Variants in PPIE observed in about 807,000 individuals in gnomAD.
PPIE encodes the protein peptidylprolyl isomerase E, also known as peptidyl-prolyl cis-trans isomerase E.
PPIE carries 20 observed loss-of-function variants against 38.4 expected under a neutral mutation model. The observed-to-expected ratio is 0.52, with a 90% CI of 0.37 to 0.76. The LOEUF is 0.76. Among genes scored for constraint, PPIE ranks in the 30% least tolerant of loss-of-function variants. The probability of loss-of-function intolerance (pLI) is 0.00; values close to 1 mark genes in which losing one functional copy is unlikely to be tolerated. For synonymous variants in PPIE, 142 were observed against 135.7 expected, an observed-to-expected ratio of 1.05 and a Z score of -0.32; for missense variants, 322 against 385.8, an observed-to-expected ratio of 0.83 and a Z score of 1.39.
chr1:39,749,570 C>T (rs1405391007), intron 8 of PPIE, among the ~76,000 whole-genome samples: 2 of 152,196 alleles, frequency 1.3e-5, no homozygotes, highest in Non-Finnish European at 2.9e-5. Context: ...TGCCCGTCTT[C>T]ACTTCTGAAG....
Position 39,753,281 on chromosome 1 carries a change from A to G in PPIE, c.838-6A>G. On this transcript the variant is annotated splice_region_variant and splice_polypyrimidine_tract_variant and intron_variant, in intron 9 of 9. Coordinates refer to ENST00000324379, the MANE Select transcript of PPIE (RefSeq NM_006112.4). ...CTTACTCCCTCACTTCTATTCTGCC[A>G]CAAAGGCCCAGGGCAGCAAGGACGG... The G allele has an allele frequency of 6.2e-7, 1 of 1,614,028 alleles. No homozygotes were observed. The highest frequency in any genetic ancestry group is 8.5e-7 in the Non-Finnish European group (1 of 1,179,920).
chr1:39,753,171 GGCT>G (rs1647926627), intron 9 of PPIE, 113 bp from the exon 10 acceptor site: 1 of 1,585,292 alleles, frequency 6.3e-7, no homozygotes, highest in East Asian at 2.3e-5. Context: ...CAGCGGGAGG[GGCT>G]GCTGCTGCCC....
At position 39,743,929 on chromosome 1, in the gene PPIE, G is replaced by T; in HGVS notation, c.384+5G>T. On this transcript the variant is annotated splice_donor_5th_base_variant and intron_variant, in intron 6 of 9. Transcript: ENST00000324379. ...CCCAAAGCAGAGACCCAGGAGGTGA[G>T]AATGAAGCTCCTGCTTCCAGAGCAC... The T allele has an allele frequency of 6.2e-7, 1 of 1,600,500 alleles. No individual in the cohort carries two copies. The highest frequency in any genetic ancestry group is 1.1e-5 in the South Asian group (1 of 90,780).
chr1:39,760,591 C>G (rs1258994592), downstream of PPIE: 1 of 1,610,726 alleles, frequency 6.2e-7, no homozygotes, highest in Non-Finnish European at 8.5e-7. Context: ...AGGGCACAGG[C>G]AGGGGCATGA....
In PPIE at chr1:39,755,934, C is replaced by T; in HGVS notation, c.*2579C>T. 1.0e-6 allele frequency: 1 copy of T among 985,394 alleles called. No homozygotes were observed. Among genetic ancestry groups the T allele is most frequent in the South Asian group, 4.7e-5 (1 of 21,288 alleles). The allele number at this position is 985,394 out of a possible 1,614,324, so 61.0% of individuals were successfully genotyped here. On this transcript the variant is annotated 3_prime_UTR_variant, in exon 10 of 10. Transcript: ENST00000324379. ...TGTCTCTCTTCAGTAGTAATGGAGT[C>T]CTGGGAGGTTTACTAGGCTTTAGCC...
intron 3 of PPIE, chr1:39,741,654 T>G: frequency 1.6e-6 from 1 of 624,538 alleles, no homozygotes. Context: ...GCACCCCTGT[T>G]CATTGAGCAT....
chr1:39,738,950 T>C lies in PPIE; in HGVS notation c.31+19T>C. The C allele has an allele frequency of 6.8e-7, 1 of 1,462,536 alleles. No individual in the cohort carries two copies. Among genetic ancestry groups the C allele is most frequent in the Non-Finnish European group, 9.1e-7 (1 of 1,104,210 alleles). The allele number at this position is 1,462,536 out of a possible 1,614,324, so 90.6% of individuals were successfully genotyped here. On this transcript the variant is annotated intron_variant, in intron 1 of 9. Transcript: ENST00000324379. Reference sequence around the variant, plus strand: ...TACGTGGGTGAGCAGGAGGGGTTGCTAGGCGGAGTCTGAGTGAACGCGACC... The same window carrying C: ...TACGTGGGTGAGCAGGAGGGGTTGCCAGGCGGAGTCTGAGTGAACGCGACC...
In PPIE at chr1:39,740,307, A is replaced by G. The variant is rs185353501; in HGVS notation, c.130+44A>G. On this transcript the variant is annotated intron_variant, in intron 2 of 9. Coordinates refer to ENST00000324379, the MANE Select transcript of PPIE (RefSeq NM_006112.4). ...CGTTCAGAATCCTCTTACTAGGAAA[A>G]TACCTTAAAAAATTAAAGTCACATC... The G allele has an allele frequency of 1.3e-5, 20 of 1,493,662 alleles. No individual in the cohort carries two copies. The African/African-American group carries it at 2.1e-4, about 16-fold the overall frequency. 92.5% of individuals were successfully genotyped at this position (1,493,662 alleles called of 1,614,324 possible).
Position 39,738,925 on chromosome 1 carries a change from T to G in PPIE, c.25T>G (p.Tyr9Asp). Residue 9 changes from tyrosine (Y) to aspartate (D), a missense_variant, in exon 1 of 10, where the codon TAC (tyrosine) becomes GAC (aspartate). Physicochemically the swap from Tyr to Asp is radical, Grantham distance 160. Transcript: ENST00000324379. ...GATGGCCACCACCAAGCGCGTCTTG[T>G]ACGTGGGTGAGCAGGAGGGGTTGCT... MATTKRVL[Y>D]VGGLAEEVDD... The G allele has an allele frequency of 6.7e-7, 1 of 1,494,584 alleles. No individual in the cohort carries two copies. Among genetic ancestry groups the G allele is most frequent in the Non-Finnish European group, 8.9e-7 (1 of 1,123,320 alleles). The allele number at this position is 1,494,584 out of a possible 1,614,324, so 92.6% of individuals were successfully genotyped here.
Position 39,744,445 on chromosome 1 carries a change from G to A in PPIE, c.384+521G>A, listed in dbSNP as rs78686555. On this transcript the variant is annotated intron_variant, in intron 6 of 9. Transcript: ENST00000324379. The stretch of plus-strand genomic sequence containing the variant: ...AGTCTCTGACAGTTGCTTCCTGGGC[G>A]TCCCCTCCTCTGAGTACTTTGTGAA... Among the ~76,000 whole-genome samples the A allele has an allele frequency of 7.2e-3, 1,089 of 152,284 alleles. 16 individuals are homozygous for A. The highest frequency in any genetic ancestry group is 0.025 in the African/African-American group (1,040 of 41,532).
chr1:39,754,703 G>GA lies in PPIE; in HGVS notation c.*1356dup, dbSNP rs1198037417. ...GTAGAGACCCCCATCTCTAGGGGGA[G>GA]AAAAAAAAGCCAGGTATGGTAGTGC... On this transcript the variant is annotated 3_prime_UTR_variant, in exon 10 of 10. Transcript: ENST00000324379. 6.6e-6 allele frequency among the ~76,000 whole-genome samples: 1 copy of GA among 151,778 alleles called. No individual in the cohort carries two copies. Among genetic ancestry groups the GA allele is most frequent in the Admixed American group, 6.6e-5 (1 of 15,254 alleles).
At chr1:39,763,189 G>A in intron 9 of PPIE, 2 of 1,613,078 alleles carry the variant, frequency 1.2e-6, no homozygotes, top group Non-Finnish European at 1.7e-6. Context: ...GCCTTGGGGA[G>A]CGATGACCCA....
At chr1:39,760,315 G>T, downstream of PPIE, 7 of 1,535,392 alleles carry the variant, frequency 4.6e-6, no homozygotes, top group Non-Finnish European at 6.1e-6. Flanking sequence ...GGTCCTCCCT[G>T]GCAATGCCCC....
At chr1:39,741,512 G>C (rs1647057108) in intron 3 of PPIE, 103 bp downstream of exon 3, 1 of 1,183,904 alleles carries the variant, frequency 8.4e-7, no homozygotes. Context: ...GCCTTAGGCT[G>C]ATGCTTCCAG....
chr1:39,753,386 C>G lies in PPIE; in HGVS notation c.*31C>G. 6.2e-7 allele frequency: 1 copy of G among 1,608,558 alleles called. No homozygotes were observed. Among genetic ancestry groups the G allele is most frequent in the Non-Finnish European group, 8.5e-7 (1 of 1,177,168 alleles). ...CACTCTCTCTGCTTCCCCCTCCGCT[C>G]TTGACCCTGCATATCCAGGAAGGAA... On this transcript the variant is annotated 3_prime_UTR_variant, in exon 10 of 10. Coordinates refer to ENST00000324379, the MANE Select transcript of PPIE (RefSeq NM_006112.4).
exon 10 of PPIE, chr1:39,763,755 C>T (rs377403339): frequency 2.1e-5 from 33 of 1,604,162 alleles, no homozygotes; most frequent in South Asian, 1.3e-4. Context: ...CTCGTGCCGA[C>T]GGCAGACCTG....
In PPIE at chr1:39,755,420, C is replaced by G. The variant is rs1648161564; in HGVS notation, c.*2065C>G. On this transcript the variant is annotated 3_prime_UTR_variant, in exon 10 of 10. Transcript: ENST00000324379. ...GCTGCTACAGTTGACTGAGTTCAGG[C>G]TCCATGTAGCTGGGATATACTACAT... 5 of 985,328 alleles carry G rather than the reference C, an allele frequency of 5.1e-6. No homozygotes were observed. The Admixed American group carries it at 3.1e-4, about 61-fold the overall frequency. The allele number at this position is 985,328 out of a possible 1,614,324, so 61.0% of individuals were successfully genotyped here.
rs1648064238 is a variant in PPIE, at chr1:39,754,448, A to T, written c.*1093A>T. 6.6e-6 allele frequency among the ~76,000 whole-genome samples: 1 copy of T among 152,236 alleles called. No individual in the cohort carries two copies. ...CAGCTCTGAGGCAGTTTGGAAGCAGAATTCTTCCTCCAGTGATCTCAGTCT... is the reference window on the plus strand; with the variant it reads ...CAGCTCTGAGGCAGTTTGGAAGCAGTATTCTTCCTCCAGTGATCTCAGTCT... On this transcript the variant is annotated 3_prime_UTR_variant, in exon 10 of 10. Transcript: ENST00000324379.
chr1:39,749,361 C>T (rs1469842327), intron 8 of PPIE, among the ~76,000 whole-genome samples: 3 of 152,032 alleles, frequency 2.0e-5, no homozygotes, highest in Admixed American at 1.3e-4. Flanking sequence ...CTCTCAACCC[C>T]ACTGCTCTCC....
Sources: allele counts gnomAD v4.1 joint callset (sites outside exome capture counted in the v4.1 genomes callset), GRCh38; gene constraint gnomAD v4.1.1; transcripts MANE v1.5; gene names NCBI Gene and HGNC (gene_info 2026-07-23, HGNC 2026-07-21).